Variants in ZNF730 observed in about 807,000 individuals in gnomAD.
ZNF730 encodes the protein putative zinc finger protein 730.
A neutral mutation model predicts 12.6 loss-of-function variants in ZNF730; 12 were observed. The observed-to-expected ratio is 0.95, with a 90% confidence interval of 0.61 to 1.54. The LOEUF is 1.54. Among genes scored for constraint, ZNF730 ranks in the 40% most tolerant of loss-of-function variants. ZNF730 has a pLI of 0.00. For missense variants in ZNF730, 643 were observed against 583.5 expected, an observed-to-expected ratio of 1.10 and a Z score of -1.05; for synonymous variants, 194 against 195.8, an observed-to-expected ratio of 0.99 and a Z score of 0.08.
chr19:23,077,454 T>A (rs1257179516), intron 1 of ZNF730, among the ~76,000 whole-genome samples: 1 of 114,810 alleles, frequency 8.7e-6, no homozygotes, highest in Non-Finnish European at 1.8e-5. Flanking sequence ...TTTTTTTTTT[T>A]TGAGATGGCG....
chr19:23,133,055 A>T (rs1481432045), intron 1 of ZNF730, among the ~76,000 whole-genome samples: 1 of 152,218 alleles, frequency 6.6e-6, no homozygotes, highest in Non-Finnish European at 1.5e-5. Context: ...TGATTAATGA[A>T]GCTGACAGAT....
intron 1 of ZNF730, among the ~76,000 whole-genome samples, chr19:23,121,584 C>T (rs934351513): frequency 6.6e-6 from 1 of 152,290 alleles, no homozygotes; most frequent in East Asian, 1.9e-4. Flanking sequence ...TCGTGATCCA[C>T]CTGCCTCAGC....
At chr19:23,109,416 C>CTT in intron 1 of ZNF730, among the ~76,000 whole-genome samples, 1 of 141,874 alleles carries the variant, frequency 7.0e-6, no homozygotes, top group South Asian at 2.3e-4. Flanking sequence ...CCTTTTTTTT[C>CTT]TTTTTTTTTT....
Position 23,141,168 on chromosome 19 carries a change from G to A in ZNF730, c.227-4103G>A, listed in dbSNP as rs547307386. 3.3e-5 allele frequency among the ~76,000 whole-genome samples: 5 copies of A among 152,262 alleles called. No homozygotes were observed. The South Asian group carries it at 1.0e-3, about 32-fold the overall frequency. ...CCAACACTTTGGGACGCCGAGGTGGGTGGATCATGAGGTTAGGAAATCGAG... is the reference window on the plus strand; with the variant it reads ...CCAACACTTTGGGACGCCGAGGTGGATGGATCATGAGGTTAGGAAATCGAG... On this transcript the variant is annotated intron_variant, in intron 3 of 3. Coordinates refer to ENST00000597761, the MANE Select transcript of ZNF730 (RefSeq NM_001277403.2).
At chr19:23,112,537 CAT>C (rs958036662), upstream of ZNF730, among the ~76,000 whole-genome samples, 1 of 152,200 alleles carries the variant, frequency 6.6e-6, no homozygotes, top group Admixed American at 6.5e-5. Context: ...GCCTGACCAA[CAT>C]AGTGAAACCC....
At chr19:23,133,944 T>A (rs1970781208) in intron 1 of ZNF730, 136 bp from the exon 2 acceptor site, 1 of 987,162 alleles carries the variant, frequency 1.0e-6, no homozygotes, top group African/African-American at 1.7e-5. Context: ...TATTTCTGTG[T>A]TGAAGGTTAT....
intron 1 of ZNF730, among the ~76,000 whole-genome samples, chr19:23,106,765 G>C (rs751900850): frequency 8.0e-5 from 12 of 150,722 alleles, no homozygotes; most frequent in Non-Finnish European, 1.3e-4. Flanking sequence ...ACTCCAGCCT[G>C]GGCCACGAGA....
At chr19:23,131,725 T>G (rs1970744942) in intron 1 of ZNF730, among the ~76,000 whole-genome samples, 1 of 152,212 alleles carries the variant, frequency 6.6e-6, no homozygotes, top group Admixed American at 6.5e-5. Context: ...GAAACTTGTT[T>G]ATAACACCCA....
rs368413462 is a variant in ZNF730 at position 23,100,530 on chromosome 19, A to G, written c.-94+25143A>G. On this transcript the variant is annotated intron_variant, in intron 1 of 2. Coordinates refer to the ZNF730 transcript ENST00000593635. ...AGAATTGTCACCCTCACACATGGAC[A>G]GAGTCCACTGGTGAAGTCCTGAATC... 9.1e-4 allele frequency among the ~76,000 whole-genome samples: 138 copies of G among 152,148 alleles called. 1 individual carries two copies. Among genetic ancestry groups the G allele is most frequent in the African/African-American group, 3.3e-3 (135 of 41,472 alleles).
At chr19:23,110,996 A>C (rs1318137310) in intron 1 of ZNF730, among the ~76,000 whole-genome samples, 1 of 152,224 alleles carries the variant, frequency 6.6e-6, no homozygotes, top group Non-Finnish European at 1.5e-5. Context: ...GGTATTTAAG[A>C]GGACAAATTT....
intron 1 of ZNF730, chr19:23,127,624 T>G (rs1970686702): frequency 9.6e-7 from 1 of 1,036,526 alleles, no homozygotes; most frequent in Non-Finnish European, 1.5e-6. Flanking sequence ...GTTTAAAATT[T>G]GGCAATAAAC....
chr19:23,124,831 G>A lies in ZNF730; in HGVS notation c.3+7655G>A, dbSNP rs549943065. On this transcript the variant is annotated intron_variant, in intron 1 of 3. Transcript: ENST00000597761. ...ATTTCATATTATCATTAGAAAAATA[G>A]GTAGAGCAGTTATGGTTCTTATCAT... Among the ~76,000 whole-genome samples, 7 of 152,264 alleles carry A rather than the reference G, an allele frequency of 4.6e-5. No homozygotes were observed. The South Asian group carries it at 1.5e-3, about 32-fold the overall frequency.
At chr19:23,129,239 A>G (rs1159213795) in intron 1 of ZNF730, among the ~76,000 whole-genome samples, 1 of 152,156 alleles carries the variant, frequency 6.6e-6, no homozygotes, top group African/African-American at 2.4e-5. Context: ...CTGTGAGAAG[A>G]GGGCCATTGT....
chr19:23,101,848 A>G (rs1315762000), intron 1 of ZNF730, among the ~76,000 whole-genome samples: 1 of 152,124 alleles, frequency 6.6e-6, no homozygotes, highest in Non-Finnish European at 1.5e-5. Context: ...GATTACAGGT[A>G]TGAGCCACCA....
chr19:23,118,764 C>T (rs958383559), intron 1 of ZNF730, among the ~76,000 whole-genome samples: 5 of 152,108 alleles, frequency 3.3e-5, no homozygotes, highest in African/African-American at 1.2e-4. Flanking sequence ...CTCTGAGATT[C>T]ATGGAAAAAA....
intron 1 of ZNF730, among the ~76,000 whole-genome samples, chr19:23,107,953 T>C (rs1215896639): frequency 6.6e-6 from 1 of 152,122 alleles, no homozygotes; most frequent in Admixed American, 6.5e-5. Flanking sequence ...CCAGAAAATG[T>C]CCCCTCACAG....
chr19:23,142,141 A>C (rs1970931583), intron 3 of ZNF730, among the ~76,000 whole-genome samples: 1 of 152,132 alleles, frequency 6.6e-6, no homozygotes, highest in African/African-American at 2.4e-5. Flanking sequence ...TAATTTTTTG[A>C]GGTCCTATTT....
At chr19:23,108,784 C>G (rs1471549536) in intron 1 of ZNF730, among the ~76,000 whole-genome samples, 1 of 152,094 alleles carries the variant, frequency 6.6e-6, no homozygotes, top group African/African-American at 2.4e-5. Context: ...GAGTCTCACT[C>G]TATTGCCCTG....
intron 3 of ZNF730, among the ~76,000 whole-genome samples, chr19:23,141,238 CA>C (rs916760425): frequency 6.6e-6 from 1 of 151,276 alleles, no homozygotes; most frequent in Non-Finnish European, 1.5e-5. Context: ...ACTAAAAATA[CA>C]AAAAAATTAG....
Sources: gnomAD v4.1 joint callset for allele counts (sites outside exome capture counted in the v4.1 genomes callset) on GRCh38, gnomAD v4.1.1 for gene constraint, MANE v1.5 for transcripts, NCBI Gene and HGNC (gene_info 2026-07-23, HGNC 2026-07-21) for gene names.